The following ERBB4 variants were observed in gnomAD, a reference collection of about 807,000 sequenced individuals.
ERBB4 encodes the protein receptor tyrosine-protein kinase erbB-4.
A neutral mutation model predicts 158.0 loss-of-function variants in ERBB4; 42 were observed. The observed-to-expected ratio is 0.27, with a 90% confidence interval of 0.21 to 0.34. The LOEUF (loss-of-function observed/expected upper bound fraction) is 0.34, where lower values mean the gene tolerates loss of function less well. ERBB4 is among the 10% of genes least tolerant of loss of function. ERBB4 has a pLI of 1.00. For missense variants in ERBB4, 1,333 were observed against 1,624.1 expected, an observed-to-expected ratio of 0.82 and a Z score of 3.08; for synonymous variants, 583 against 558.7, an observed-to-expected ratio of 1.04 and a Z score of -0.61.
chr2:212,023,463 C>T (rs1389999562), intron 2 of ERBB4, among the ~76,000 whole-genome samples: 5 of 151,812 alleles, frequency 3.3e-5, no homozygotes, highest in East Asian at 1.9e-4. Context: ...GGTTCAAGTA[C>T]AAAAAGCAGT....
At position 211,907,717 on chromosome 2, in the gene ERBB4, A is replaced by G. The variant is rs900430517; in HGVS notation, c.421+39713T>C. On this transcript the variant is annotated intron_variant, in intron 3 of 27. Coordinates refer to ENST00000342788, the MANE Select transcript of ERBB4 (RefSeq NM_005235.3). ...TTGTTTGGTCAGACTATACCTATTT[A>G]AAAAAAAATAAAGTTGAGGGACTTA... 5.3e-5 allele frequency among the ~76,000 whole-genome samples: 8 copies of G among 150,774 alleles called. No homozygotes were observed. In the Admixed American group the frequency reaches 5.3e-4, roughly 10 times the overall value.
At chr2:212,022,012 T>G (rs1243090788) in intron 2 of ERBB4, among the ~76,000 whole-genome samples, 1 of 152,068 alleles carries the variant, frequency 6.6e-6, no homozygotes, top group African/African-American at 2.4e-5. Flanking sequence ...TATTAAAAAG[T>G]CAAGAAACAA....
intron 2 of ERBB4, among the ~76,000 whole-genome samples, chr2:212,120,189 T>C (rs1436596766): frequency 2.0e-5 from 3 of 152,200 alleles, no homozygotes; most frequent in Non-Finnish European, 4.4e-5. Flanking sequence ...CTTTGTTCTA[T>C]CTGCGCAGCT....
In ERBB4 at chr2:212,327,602, G is replaced by A. The variant is rs1034041346; in HGVS notation, c.83-202699C>T. 2.6e-5 allele frequency among the ~76,000 whole-genome samples: 4 copies of A among 151,924 alleles called. No individual in the cohort carries two copies. In the South Asian group the frequency reaches 8.3e-4, roughly 31 times the overall value. On this transcript the variant is annotated intron_variant, in intron 1 of 27. Coordinates refer to ENST00000342788, the MANE Select transcript of ERBB4 (RefSeq NM_005235.3). ...AAAGTTACGTCATTGTTTATATAAA[G>A]GATATAATAAAGTTAAACATTAAGT...
chr2:212,192,288 G>A (rs894509352), intron 1 of ERBB4, among the ~76,000 whole-genome samples: 10 of 117,824 alleles, frequency 8.5e-5, no homozygotes, highest in African/African-American at 3.1e-4. Flanking sequence ...AGACAGACTA[G>A]TTATGTGAGG....
rs560027910 is a variant in ERBB4, at chr2:212,328,001, C to T, written c.83-203098G>A. 2.6e-4 allele frequency among the ~76,000 whole-genome samples: 38 copies of T among 146,592 alleles called. 2 individuals carry two copies. Among genetic ancestry groups the T allele is most frequent in the African/African-American group, 9.1e-4 (36 of 39,398 alleles). On this transcript the variant is annotated intron_variant, in intron 1 of 27. Transcript: ENST00000342788. ...AACAGTTTTCCAGTTAACAAATGAC[C>T]CTAAAATCTAGTGTCTTAAAACAAC...
intron 20 of ERBB4, among the ~76,000 whole-genome samples, chr2:211,511,016 G>A (rs1383747256): frequency 6.6e-6 from 1 of 151,746 alleles, no homozygotes; most frequent in Non-Finnish European, 1.5e-5. Flanking sequence ...AAAGCACCAA[G>A]GGATTATGAA....
chr2:212,201,579 A>G (rs1183729613), intron 1 of ERBB4, among the ~76,000 whole-genome samples: 1 of 152,220 alleles, frequency 6.6e-6, no homozygotes, highest in Non-Finnish European at 1.5e-5. Context: ...TGATTCATTC[A>G]GAATATAGCT....
At chr2:211,818,711 C>T (rs2076928762) in intron 3 of ERBB4, among the ~76,000 whole-genome samples, 1 of 152,042 alleles carries the variant, frequency 6.6e-6, no homozygotes, top group African/African-American at 2.4e-5. Context: ...TTTCCATTAA[C>T]TTGAAACTAT....
intron 10 of ERBB4, 77 bp from the exon 11 acceptor site, chr2:211,704,271 T>A: frequency 1.1e-6 from 1 of 940,538 alleles, no homozygotes; most frequent in Non-Finnish European, 1.8e-6. Context: ...TGAAATATGG[T>A]GAAAATGTGT....
At chr2:211,824,132 C>A (rs2077047683) in intron 3 of ERBB4, among the ~76,000 whole-genome samples, 1 of 151,994 alleles carries the variant, frequency 6.6e-6, no homozygotes, top group Non-Finnish European at 1.5e-5. Flanking sequence ...TAACTCTCCA[C>A]TGAAGCATTT....
chr2:212,110,821 A>T (rs2079382345), intron 2 of ERBB4, among the ~76,000 whole-genome samples: 1 of 152,254 alleles, frequency 6.6e-6, no homozygotes, highest in South Asian at 2.1e-4. Flanking sequence ...GCTGAAGCAC[A>T]ACTAGCTGTT....
chr2:211,580,340 C>T (rs1026273545), intron 19 of ERBB4, among the ~76,000 whole-genome samples: 3 of 151,844 alleles, frequency 2.0e-5, no homozygotes, highest in African/African-American at 4.8e-5. Context: ...GCTAAGGACA[C>T]GAATAGACAA....
At chr2:211,532,019 A>G (rs550075640) in intron 20 of ERBB4, among the ~76,000 whole-genome samples, 23 of 152,174 alleles carry the variant, frequency 1.5e-4, no homozygotes, top group African/African-American at 5.5e-4. Flanking sequence ...TCATTATGTT[A>G]AGTGAAATTA....
At chr2:211,419,493 G>A (rs537666740) in intron 25 of ERBB4, among the ~76,000 whole-genome samples, 1 of 142,908 alleles carries the variant, frequency 7.0e-6, no homozygotes, top group African/African-American at 3.0e-5. Context: ...CTTAGATTAA[G>A]AGAAAAGAAT....
At chr2:211,685,647 T>C (rs572991347) in intron 12 of ERBB4, among the ~76,000 whole-genome samples, 103 of 152,316 alleles carry the variant, frequency 6.8e-4, no homozygotes, top group Non-Finnish European at 1.1e-3. Flanking sequence ...ATCTTGTCTC[T>C]ATCTCAACAA....
chr2:212,531,686 A>G (rs1692765448), intron 1 of ERBB4, among the ~76,000 whole-genome samples: 1 of 152,088 alleles, frequency 6.6e-6, no homozygotes. Flanking sequence ...AAAAATAAGC[A>G]TTTTCTGCTG....
chr2:212,109,504 T>C (rs2079338543), intron 2 of ERBB4, among the ~76,000 whole-genome samples: 1 of 152,206 alleles, frequency 6.6e-6, no homozygotes, highest in African/African-American at 2.4e-5. Flanking sequence ...TTTTGAGACA[T>C]GGCTTTCTAA....
At chr2:211,974,494 G>T (rs566858759) in intron 2 of ERBB4, among the ~76,000 whole-genome samples, 22 of 152,092 alleles carry the variant, frequency 1.4e-4, no homozygotes, top group Non-Finnish European at 2.9e-4. Flanking sequence ...ATATAACCTG[G>T]GTAAATTATC....
Sources: gnomAD v4.1 joint callset for allele counts (sites outside exome capture counted in the v4.1 genomes callset) on GRCh38, gnomAD v4.1.1 for gene constraint, MANE v1.5 for transcripts, NCBI Gene and HGNC (gene_info 2026-07-23, HGNC 2026-07-21) for gene names.